The following PIBF1 variants were observed in gnomAD, a reference collection of about 807,000 sequenced individuals.
PIBF1 encodes progesterone-induced-blocking factor 1.
Under a neutral mutation model 112.5 loss-of-function variants are expected in PIBF1, and 90 were observed. The ratio of observed to expected loss-of-function variants is 0.80; its 90% CI spans 0.67 to 0.95. PIBF1 has a LOEUF of 0.95. PIBF1 is among the 40% of genes least tolerant of loss of function. PIBF1 has a pLI of 0.00. For synonymous variants in PIBF1, 301 were observed against 288.6 expected, an observed-to-expected ratio of 1.04 and a Z score of -0.44; for missense variants, 915 against 852.3, an observed-to-expected ratio of 1.07 and a Z score of -0.92.
At chr13:72,835,590 CT>C (rs56270240) in intron 9 of PIBF1, among the ~76,000 whole-genome samples, 112,584 of 151,106 alleles carry the variant, frequency 0.75, 42,208 homozygotes, top group African/African-American at 0.82. Flanking sequence ...CCTGTTATGT[CT>C]TTTTTTTTTA....
intron 8 of PIBF1, 72 bp from the exon 9 acceptor site, chr13:72,835,171 A>G: frequency 9.1e-7 from 1 of 1,103,308 alleles, no homozygotes; most frequent in Non-Finnish European, 1.2e-6. Context: ...AGGTATTAAA[A>G]TCTTACGTAC....
At chr13:72,851,856 TC>T (rs1199155036) in intron 9 of PIBF1, among the ~76,000 whole-genome samples, 1 of 152,166 alleles carries the variant, frequency 6.6e-6, no homozygotes, top group African/African-American at 2.4e-5. Flanking sequence ...ACTGTGGGTC[TC>T]CTCTCAGCTG....
intron 14 of PIBF1, among the ~76,000 whole-genome samples, chr13:72,952,333 C>T (rs536133139): frequency 1.1e-3 from 171 of 152,120 alleles, no homozygotes; most frequent in African/African-American, 3.8e-3. Context: ...AGATTACAGG[C>T]GTGAACCACC....
chr13:72,842,753 C>G (rs1208498199), intron 9 of PIBF1, among the ~76,000 whole-genome samples: 2 of 152,102 alleles, frequency 1.3e-5, no homozygotes, highest in African/African-American at 2.4e-5. Context: ...TTAAGTTCTT[C>G]CATGGAAAAA....
intron 17 of PIBF1, among the ~76,000 whole-genome samples, chr13:73,002,438 T>G (rs1182527218): frequency 6.6e-6 from 1 of 152,150 alleles, no homozygotes; most frequent in Non-Finnish European, 1.5e-5. Flanking sequence ...GTGCTATCCC[T>G]TTTTTCCCAG....
chr13:72,925,747 G>A (rs932184133), intron 13 of PIBF1, among the ~76,000 whole-genome samples: 11 of 151,776 alleles, frequency 7.2e-5, no homozygotes, highest in African/African-American at 2.4e-4. Context: ...TCACCATGTT[G>A]GCCAGGCTGG....
chr13:72,987,866 T>TTA (rs1566522345), intron 16 of PIBF1, among the ~76,000 whole-genome samples: 1 of 98,148 alleles, frequency 1.0e-5, no homozygotes, highest in African/African-American at 4.3e-5. Context: ...TTATTTTTTT[T>TTA]TTTTTTTTTT....
Position 72,783,629 on chromosome 13 carries a change from A to G in PIBF1, c.160A>G (p.Lys54Glu). 4 of 1,614,046 alleles carry G rather than the reference A, an allele frequency of 2.5e-6. No individual in the cohort carries two copies. The highest frequency in any genetic ancestry group is 2.5e-6 in the Non-Finnish European group (3 of 1,179,926). ...VRITRQLIERKELLHNIQLLK... is the reference protein window; with the variant it reads ...VRITRQLIEREELLHNIQLLK... ...AATCACCAGGCAGCTAATTGAACGA[A>G]AAGAACTACTTCATAATATTCAGTT... The change falls in exon 2 of 18, where the codon AAA (lysine) becomes GAA (glutamate). Residue 54 changes from lysine (K) to glutamate (E), a missense_variant. Lys to Glu is a moderately conservative substitution (Grantham distance 56). Transcript: ENST00000326291.
intron 9 of PIBF1, among the ~76,000 whole-genome samples, chr13:72,843,306 A>G (rs2037693315): frequency 6.6e-6 from 1 of 152,368 alleles, no homozygotes; most frequent in South Asian, 2.1e-4. Context: ...ACGTAGGAGA[A>G]TTGGCAAGAT....
chr13:72,904,433 CTTTTTTTTTTTTTTT>C (rs71099767), intron 11 of PIBF1, among the ~76,000 whole-genome samples: 1 of 36,558 alleles, frequency 2.7e-5, no homozygotes, highest in African/African-American at 1.1e-4. Flanking sequence ...CAAAATATTT[CTTTTTTTTTTTTTTT>C]TTTTTTTTTT....
intron 13 of PIBF1, among the ~76,000 whole-genome samples, chr13:72,925,932 G>T (rs1054871190): frequency 6.6e-6 from 1 of 152,034 alleles, no homozygotes; most frequent in Non-Finnish European, 1.5e-5. Context: ...TTAAAATTTT[G>T]ATGCAGTCCA....
chr13:72,911,091 T>C (rs2040877126), intron 12 of PIBF1, among the ~76,000 whole-genome samples: 1 of 152,088 alleles, frequency 6.6e-6, no homozygotes, highest in Admixed American at 6.5e-5. Context: ...GGCAGGAGGA[T>C]TGCTTGAGCT....
At chr13:72,849,749 T>G (rs1005150138) in intron 9 of PIBF1, among the ~76,000 whole-genome samples, 1 of 152,186 alleles carries the variant, frequency 6.6e-6, no homozygotes, top group Non-Finnish European at 1.5e-5. Flanking sequence ...GGCAGCATAG[T>G]ATGATTCACA....
chr13:72,911,927 C>G lies in PIBF1; in HGVS notation c.1639+3246C>G, dbSNP rs75998585. ...GGTGGATCACTTGAGCTCAGGAGTT[C>G]AAGATTAGCCTGACATGGTGAGACC... is the stretch of plus-strand genomic sequence containing the variant. On this transcript the variant is annotated intron_variant, in intron 12 of 17. Transcript: ENST00000326291. 4.0e-5 allele frequency among the ~76,000 whole-genome samples: 6 copies of G among 148,434 alleles called. No individual in the cohort carries two copies. In the South Asian group the frequency reaches 1.3e-3, roughly 32 times the overall value.
At chr13:72,946,509 A>G (rs1185962569) in intron 14 of PIBF1, among the ~76,000 whole-genome samples, 1 of 152,192 alleles carries the variant, frequency 6.6e-6, no homozygotes, top group South Asian at 2.1e-4. Context: ...CAGTTCCCCA[A>G]AGTCTTAACT....
intron 12 of PIBF1, among the ~76,000 whole-genome samples, chr13:72,915,151 T>G (rs1454105479): frequency 1.3e-5 from 2 of 151,588 alleles, no homozygotes; most frequent in African/African-American, 4.8e-5. Flanking sequence ...TATATGCAGA[T>G]ATATATATAT....
chr13:72,817,369 T>C (rs2036323034), intron 5 of PIBF1, among the ~76,000 whole-genome samples: 1 of 152,230 alleles, frequency 6.6e-6, no homozygotes, highest in Non-Finnish European at 1.5e-5. Flanking sequence ...TTTACTGTGA[T>C]GTAGAAATTT....
intron 15 of PIBF1, among the ~76,000 whole-genome samples, chr13:72,971,328 C>T (rs1465502973): frequency 6.6e-6 from 1 of 151,976 alleles, no homozygotes; most frequent in Non-Finnish European, 1.5e-5. Context: ...GTCCTATTTA[C>T]TGGATATTTA....
At chr13:72,998,721 A>G in intron 16 of PIBF1, 101 bp from the exon 17 acceptor site, 5 of 741,332 alleles carry the variant, frequency 6.7e-6, no homozygotes, top group Non-Finnish European at 1.1e-5. Context: ...TGTGTGTAGT[A>G]TAATTGTTTC....
Sources: gnomAD v4.1 joint callset for allele counts (sites outside exome capture counted in the v4.1 genomes callset) on GRCh38, gnomAD v4.1.1 for gene constraint, MANE v1.5 for transcripts, NCBI Gene and HGNC (gene_info 2026-07-23, HGNC 2026-07-21) for gene names.